The following TMEM182 variants were observed in gnomAD, a reference collection of about 807,000 sequenced individuals.
TMEM182 encodes the protein transmembrane protein 182.
In TMEM182, 20 loss-of-function variants were observed where a neutral mutation model predicts 26.8. That is an observed-to-expected ratio of 0.75 (90% CI 0.53 to 1.09). TMEM182 has a LOEUF of 1.09. Ranked by LOEUF, TMEM182 falls within the 50% of genes least tolerant of loss-of-function variation. The pLI is 0.00. For missense variants in TMEM182, 277 were observed against 275.5 expected, an observed-to-expected ratio of 1.01 and a Z score of -0.04; for synonymous variants, 109 against 102.2, an observed-to-expected ratio of 1.07 and a Z score of -0.40.
chr2:102,786,219 T>TTTG, intron 3 of TMEM182, among the ~76,000 whole-genome samples: 1 of 146,282 alleles, frequency 6.8e-6, no homozygotes, highest in Non-Finnish European at 1.5e-5. Context: ...TGTTTTTTTT[T>TTTG]TTTTTTTTTT....
chr2:102,808,636 G>T (rs146815277), intron 4 of TMEM182, among the ~76,000 whole-genome samples: 1 of 152,060 alleles, frequency 6.6e-6, no homozygotes, highest in Non-Finnish European at 1.5e-5. Flanking sequence ...ATCACAAAAC[G>T]GTATATTCCC....
chr2:102,831,264 C>G (rs1387976159), intron 3 of TMEM182, among the ~76,000 whole-genome samples: 1 of 152,208 alleles, frequency 6.6e-6, no homozygotes, highest in Admixed American at 6.5e-5. Flanking sequence ...AATCTCCAAA[C>G]TGTTCTCCCT....
intron 3 of TMEM182, among the ~76,000 whole-genome samples, chr2:102,839,341 T>C (rs75622995): frequency 0.011 from 1,639 of 151,906 alleles, 29 homozygotes; most frequent in African/African-American, 0.038. Context: ...CCGATTTCTT[T>C]GCTTTTAGTG....
chr2:102,761,808 A>G (rs1320785604), upstream of TMEM182, among the ~76,000 whole-genome samples: 1 of 152,226 alleles, frequency 6.6e-6, no homozygotes, highest in Non-Finnish European at 1.5e-5. Context: ...AATGCTTTCA[A>G]TGACTTCATA....
chr2:102,783,583 T>C (rs1051499271), intron 3 of TMEM182, among the ~76,000 whole-genome samples: 3 of 152,154 alleles, frequency 2.0e-5, no homozygotes, highest in Non-Finnish European at 4.4e-5. Context: ...CTGTAAAAGA[T>C]GCCCAGGGAG....
chr2:102,757,675 T>G (rs1680085613), upstream of TMEM182: 1 of 152,246 alleles, frequency 6.6e-6, no homozygotes, highest in Non-Finnish European at 1.5e-5. Flanking sequence ...TGCTTATTCT[T>G]GTGGCCCTGA....
intron 3 of TMEM182, among the ~76,000 whole-genome samples, chr2:102,767,269 A>C (rs1235167707): frequency 2.0e-5 from 3 of 152,174 alleles, no homozygotes; most frequent in Non-Finnish European, 4.4e-5. Context: ...CATATTCTGA[A>C]ATTCAATTAT....
In TMEM182 at chr2:102,816,568, GT is replaced by G; in HGVS notation, c.*1603del. The G allele has an allele frequency of 1.0e-6, 1 of 983,784 alleles. No individual in the cohort carries two copies. The highest frequency in any genetic ancestry group is 1.2e-6 in the Non-Finnish European group (1 of 829,146). 60.9% of individuals were successfully genotyped at this position (983,784 alleles called of 1,614,324 possible). A position where few individuals can be genotyped will look rare whatever the true frequency, so the allele number is the denominator to read the frequency against. On this transcript the variant is annotated 3_prime_UTR_variant, in exon 5 of 5. Transcript: ENST00000412401. ...TAATAAAGCTCCAGAGGCCTAACTGGTTTCTCAAGTCATTTCAGTGATATCA... is the reference window on the plus strand; with the variant it reads ...TAATAAAGCTCCAGAGGCCTAACTGGTTCTCAAGTCATTTCAGTGATATCA...
At chr2:102,742,600 C>T (rs530755476) in intron 1 of TMEM182, among the ~76,000 whole-genome samples, 1 of 151,882 alleles carries the variant, frequency 6.6e-6, no homozygotes, top group Non-Finnish European at 1.5e-5. Flanking sequence ...GGATAAATAC[C>T]AAAAAATCTC....
rs943115619 is a variant in TMEM182, at chr2:102,829,445, G to C, written c.326-13967G>C. On this transcript the variant is annotated intron_variant, in intron 3 of 3. Coordinates refer to the TMEM182 transcript ENST00000486293. Reference sequence around the variant, plus strand: ...GGGCAGTCAGGTTCTTCTCCCTCTCGCACCTTTCTTTCTCTTTTCGCCCCC... The same window carrying C: ...GGGCAGTCAGGTTCTTCTCCCTCTCCCACCTTTCTTTCTCTTTTCGCCCCC... Among the ~76,000 whole-genome samples the C allele has an allele frequency of 1.1e-4, 16 of 152,272 alleles. 1 individual carries two copies. The highest frequency in any genetic ancestry group is 8.3e-4 in the South Asian group (4 of 4,826).
intron 3 of TMEM182, among the ~76,000 whole-genome samples, chr2:102,788,806 G>C (rs1310490452): frequency 6.6e-6 from 1 of 152,092 alleles, no homozygotes; most frequent in Non-Finnish European, 1.5e-5. Context: ...TTTAAGGGTG[G>C]GAGGTTAATA....
At chr2:102,791,839 C>G (rs888556550) in intron 3 of TMEM182, among the ~76,000 whole-genome samples, 6 of 152,028 alleles carry the variant, frequency 3.9e-5, no homozygotes, top group African/African-American at 1.4e-4. Context: ...AGTCCAAAAT[C>G]TTCAAAGACA....
At chr2:102,840,068 C>T (rs1311324884) in intron 3 of TMEM182, among the ~76,000 whole-genome samples, 3 of 152,124 alleles carry the variant, frequency 2.0e-5, no homozygotes, top group Non-Finnish European at 4.4e-5. Context: ...AACCAACATC[C>T]CCCAAATCCT....
chr2:102,799,267 T>G (rs1336998775), intron 4 of TMEM182, among the ~76,000 whole-genome samples: 1 of 152,200 alleles, frequency 6.6e-6, no homozygotes, highest in African/African-American at 2.4e-5. Context: ...AGATGGCTTG[T>G]GATGCTGCCC....
intron 3 of TMEM182, among the ~76,000 whole-genome samples, chr2:102,777,027 T>C (rs373128000): frequency 6.6e-6 from 1 of 152,186 alleles, no homozygotes; most frequent in Non-Finnish European, 1.5e-5. Context: ...AAGATTTCTT[T>C]GCGTATTTTC....
At chr2:102,776,082 G>A (rs565255040) in intron 3 of TMEM182, among the ~76,000 whole-genome samples, 14 of 152,150 alleles carry the variant, frequency 9.2e-5, no homozygotes, top group East Asian at 1.9e-4. Flanking sequence ...TGAGTAGAAA[G>A]TACAGAGGGT....
At chr2:102,764,247 G>A in intron 2 of TMEM182, 82 bp from the exon 3 acceptor site, 1 of 1,379,106 alleles carries the variant, frequency 7.3e-7, no homozygotes, top group Non-Finnish European at 1.0e-6. Flanking sequence ...TAACCCTTGT[G>A]CTCTGTATTT....
chr2:102,767,657 A>G (rs1004736212), intron 3 of TMEM182, among the ~76,000 whole-genome samples: 5 of 152,224 alleles, frequency 3.3e-5, no homozygotes, highest in African/African-American at 4.8e-5. Flanking sequence ...TCTCCAAAGC[A>G]TAGTTCCTGG....
chr2:102,740,130 GGT>G (rs1679502401), intron 1 of TMEM182, among the ~76,000 whole-genome samples: 2 of 152,102 alleles, frequency 1.3e-5, no homozygotes, highest in Admixed American at 1.3e-4. Context: ...TCTCATTTAT[GGT>G]GTACTGCATG....
Sources: allele counts gnomAD v4.1 joint callset (sites outside exome capture counted in the v4.1 genomes callset), GRCh38; gene constraint gnomAD v4.1.1; transcripts MANE v1.5; gene names NCBI Gene and HGNC (gene_info 2026-07-23, HGNC 2026-07-21).